The following BTBD9 variants were observed in gnomAD, a reference collection of about 807,000 sequenced individuals.
BTBD9 encodes the protein BTB domain containing 9, also known as BTB/POZ domain-containing protein 9.
In BTBD9, 49 loss-of-function variants were observed where a neutral mutation model predicts 64.3. The observed-to-expected ratio is 0.76, with a 90% confidence interval of 0.61 to 0.97. The LOEUF is 0.97. BTBD9 is among the 50% of genes least tolerant of loss of function. BTBD9 has a pLI of 0.00. For missense variants in BTBD9, 598 were observed against 762.1 expected, an observed-to-expected ratio of 0.78 and a Z score of 2.53; for synonymous variants, 260 against 274.7, an observed-to-expected ratio of 0.95 and a Z score of 0.53.
intron 1 of BTBD9, among the ~76,000 whole-genome samples, chr6:38,623,093 G>A (rs571756358): frequency 6.6e-6 from 1 of 152,242 alleles, no homozygotes; most frequent in South Asian, 2.1e-4. Context: ...AGGAGCATGG[G>A]AAAATGAAAA....
chr6:38,178,132 G>A (rs9380721), intron 10 of BTBD9, among the ~76,000 whole-genome samples: 92,210 of 152,156 alleles, frequency 0.61, 29,706 homozygotes, highest in Non-Finnish European at 0.74. Context: ...ACCAAGCCAC[G>A]CAGGTGCTGC....
At chr6:38,504,280 C>T (rs1772345955) in intron 6 of BTBD9, among the ~76,000 whole-genome samples, 1 of 152,196 alleles carries the variant, frequency 6.6e-6, no homozygotes, top group Admixed American at 6.5e-5. Context: ...TACTACACTC[C>T]CGCTCCTACT....
At chr6:38,573,003 A>T (rs1358988057) in intron 6 of BTBD9, among the ~76,000 whole-genome samples, 1 of 151,918 alleles carries the variant, frequency 6.6e-6, no homozygotes, top group Non-Finnish European at 1.5e-5. Context: ...ATAATGTCAT[A>T]TATATATATG....
intron 6 of BTBD9, among the ~76,000 whole-genome samples, chr6:38,502,947 G>A (rs528180806): frequency 6.6e-6 from 1 of 152,300 alleles, no homozygotes; most frequent in African/African-American, 2.4e-5. Context: ...GTAACGCAAT[G>A]TGATAAGTGA....
intron 8 of BTBD9, among the ~76,000 whole-genome samples, chr6:38,287,565 C>T (rs1761793297): frequency 2.6e-5 from 4 of 152,160 alleles, no homozygotes; most frequent in Admixed American, 2.6e-4. Flanking sequence ...TAGTAACATG[C>T]TGTACAGGTT....
chr6:38,276,457 G>C (rs9462423), intron 8 of BTBD9, among the ~76,000 whole-genome samples: 106,707 of 151,408 alleles, frequency 0.7, 38,244 homozygotes, highest in African/African-American at 0.83. Flanking sequence ...ATGTAACAAA[G>C]CTGCACATTG....
chr6:38,525,217 C>T (rs892591130), intron 6 of BTBD9, among the ~76,000 whole-genome samples: 6 of 152,106 alleles, frequency 3.9e-5, no homozygotes, highest in African/African-American at 9.7e-5. Context: ...TGAGTTCTCA[C>T]GAGATCTGAT....
chr6:38,617,224 G>A (rs1256921191), intron 1 of BTBD9, among the ~76,000 whole-genome samples: 3 of 152,120 alleles, frequency 2.0e-5, no homozygotes, highest in Admixed American at 6.5e-5. Flanking sequence ...GCTGAGCCGA[G>A]GGTCAACAGA....
intron 6 of BTBD9, among the ~76,000 whole-genome samples, chr6:38,453,680 C>A (rs1167233751): frequency 6.6e-6 from 1 of 152,174 alleles, no homozygotes; most frequent in South Asian, 2.1e-4. Flanking sequence ...AAGAATGCCC[C>A]TTAGTTACTT....
intron 1 of BTBD9, among the ~76,000 whole-genome samples, chr6:38,611,270 T>C (rs1222092230): frequency 1.3e-5 from 2 of 152,144 alleles, no homozygotes; most frequent in Non-Finnish European, 2.9e-5. Context: ...AGTGGGAATG[T>C]AGGAAGATAG....
rs143207243 is a variant in BTBD9, at chr6:38,491,351, C to T, written c.1154+86249G>A. Among the ~76,000 whole-genome samples, 89 of 152,328 alleles carry T rather than the reference C, an allele frequency of 5.8e-4. 1 individual carries two copies. Among genetic ancestry groups the T allele is most frequent in the African/African-American group, 1.9e-3 (80 of 41,582 alleles). ...GGCATTGTGTTGTGGGTGCCACCAA[C>T]AAAGCCCTGAGTCCAGGTGACACAG... On this transcript the variant is annotated intron_variant, in intron 6 of 10. Transcript: ENST00000481247.
rs536961205 is a variant in BTBD9 at position 38,552,404 on chromosome 6, A to T, written c.1154+25196T>A. On this transcript the variant is annotated intron_variant, in intron 6 of 10. Transcript: ENST00000481247. ...AAAAGTAGTCCAGAAAGAGGAAGTA[A>T]TGGCAGGACTAACTCATCGCAAGAT... is the stretch of plus-strand genomic sequence containing the variant. 5.9e-5 allele frequency among the ~76,000 whole-genome samples: 9 copies of T among 152,338 alleles called. No individual in the cohort carries two copies. In the South Asian group the frequency reaches 1.9e-3, roughly 32 times the overall value.
chr6:38,430,312 T>C (rs1314603163), intron 6 of BTBD9, among the ~76,000 whole-genome samples: 3 of 151,582 alleles, frequency 2.0e-5, no homozygotes, highest in African/African-American at 7.3e-5. Flanking sequence ...TTCGAACTCC[T>C]GGGCTCAAGG....
intron 6 of BTBD9, among the ~76,000 whole-genome samples, chr6:38,476,557 C>T (rs1057165558): frequency 6.6e-5 from 10 of 152,202 alleles, no homozygotes; most frequent in African/African-American, 2.4e-4. Flanking sequence ...CTGATACTGT[C>T]CAAATTCTGG....
At chr6:38,319,944 A>C (rs1427739076) in intron 7 of BTBD9, among the ~76,000 whole-genome samples, 1 of 152,104 alleles carries the variant, frequency 6.6e-6, no homozygotes, top group Non-Finnish European at 1.5e-5. Flanking sequence ...TGTGATGGTG[A>C]GGCATGCCGA....
Position 38,404,474 on chromosome 6 carries a change from C to T in BTBD9, c.1155-59381G>A, listed in dbSNP as rs180712349. On this transcript the variant is annotated intron_variant, in intron 6 of 10. Coordinates refer to ENST00000481247, the MANE Select transcript of BTBD9 (RefSeq NM_001099272.2). ...ACAGTTCCAAAACAGAGGATGCATT[C>T]ATTACCGACAGCACAGCTAGGACAA... is the stretch of plus-strand genomic sequence containing the variant. Among the ~76,000 whole-genome samples, 604 of 152,266 alleles carry T rather than the reference C, an allele frequency of 4.0e-3. 1 individual carries two copies. Among genetic ancestry groups the T allele is most frequent in the Non-Finnish European group, 5.8e-3 (392 of 68,018 alleles).
intron 7 of BTBD9, among the ~76,000 whole-genome samples, chr6:38,307,172 A>G (rs534813604): frequency 6.6e-6 from 1 of 152,196 alleles, no homozygotes; most frequent in Non-Finnish European, 1.5e-5. Context: ...CTTCTAACCC[A>G]ACTGTAATCC....
intron 9 of BTBD9, among the ~76,000 whole-genome samples, chr6:38,218,588 C>A (rs767691350): frequency 2.0e-5 from 3 of 152,216 alleles, no homozygotes; most frequent in Non-Finnish European, 2.9e-5. Context: ...CCCAAATATT[C>A]TGTGCCATTC....
intron 9 of BTBD9, among the ~76,000 whole-genome samples, chr6:38,229,669 A>G (rs1763529754): frequency 6.6e-6 from 1 of 152,194 alleles, no homozygotes; most frequent in African/African-American, 2.4e-5. Context: ...TTTGTGGCCA[A>G]TCAAAACCAC....
Sources: allele counts gnomAD v4.1 joint callset (sites outside exome capture counted in the v4.1 genomes callset), GRCh38; gene constraint gnomAD v4.1.1; transcripts MANE v1.5; gene names NCBI Gene and HGNC (gene_info 2026-07-23, HGNC 2026-07-21).